The following HSPG2 variants were observed in gnomAD, a reference collection of about 807,000 sequenced individuals.
HSPG2 encodes the protein heparan sulfate proteoglycan 2.
In HSPG2, 278 loss-of-function variants were observed where a neutral mutation model predicts 526.6. That is an observed-to-expected ratio of 0.53 (90% CI 0.48 to 0.58). The LOEUF (loss-of-function observed/expected upper bound fraction) is 0.58. Among genes scored for constraint, HSPG2 ranks in the 20% least tolerant of loss-of-function variants. HSPG2 has a pLI of 0.00. For missense variants in HSPG2, 5,354 were observed against 6,099.5 expected (o/e 0.88, Z 4.07); for synonymous variants, 2,465 against 2,555.4 (o/e 0.96, Z 1.07).
chr1:21,830,050 C>T lies in HSPG2; in HGVS notation c.11713G>A (p.Gly3905Ser), dbSNP rs1166810853. 5.0e-6 allele frequency: 8 copies of T among 1,604,570 alleles called. No homozygotes were observed. Among genetic ancestry groups the T allele is most frequent in the Non-Finnish European group, 6.8e-6 (8 of 1,176,766 alleles). ...TGGCAGCGGCAGGTGTAGCCTCGACCGTCAGGCCGGTTCACACAGGTGGCG... is the reference window on the plus strand; with the variant it reads ...TGGCAGCGGCAGGTGTAGCCTCGACTGTCAGGCCGGTTCACACAGGTGGCG... ...PDATCVNRPDGRGYTCRCHLG... is the reference protein window; with the variant it reads ...PDATCVNRPDSRGYTCRCHLG... The change falls in exon 86 of 97, where the codon GGT (glycine) becomes AGT (serine). Residue 3905 changes from glycine (G) to serine (S), a missense_variant. Coordinates refer to ENST00000374695, the MANE Select transcript of HSPG2 (RefSeq NM_005529.7).
Position 21,872,175 on chromosome 1 carries a change from C to CT in HSPG2, c.4221+10dup. 1 of 1,551,614 alleles carries CT rather than the reference C, an allele frequency of 6.4e-7. No homozygotes were observed. ...AGTCACGGCTGACCCTGGTGCTTGG[C>CT]TGGGGCCCACCTTGTCTCCCTGGTA... is the stretch of plus-strand genomic sequence containing the variant. On this transcript the variant is annotated intron_variant, in intron 33 of 96. Coordinates refer to ENST00000374695, the MANE Select transcript of HSPG2 (RefSeq NM_005529.7). The surrounding 1 kb of genome is among the most constrained non-coding windows in gnomAD (Gnocchi z 5.5).
chr1:21,842,406 A>G, intron 67 of HSPG2, 26 bp from the exon 68 acceptor site: 4 of 1,578,268 alleles, frequency 2.5e-6, no homozygotes, highest in Non-Finnish European at 3.4e-6. Context: ...GGGGACAGTT[A>G]TCAGGGCAAA....
rs1157151905 is a variant in HSPG2, at chr1:21,822,276, C to A, written c.*1040G>T. The A allele has an allele frequency of 6.4e-7, 1 of 1,557,824 alleles. No homozygotes were observed. Among genetic ancestry groups the A allele is most frequent in the East Asian group, 2.2e-5 (1 of 44,578 alleles). On this transcript the variant is annotated 3_prime_UTR_variant, in exon 97 of 97. Transcript: ENST00000374695. ...GATAGCACCGTTTATTAAGAAAAAT[C>A]AAGACAAAGACCACAGGAGGGTCCC...
chr1:21,922,670 A>T (rs988252989), intron 1 of HSPG2, among the ~76,000 whole-genome samples: 2 of 152,160 alleles, frequency 1.3e-5, no homozygotes, highest in Non-Finnish European at 2.9e-5. Flanking sequence ...ACCTGAAGCC[A>T]ACGTAAGGTG....
intron 1 of HSPG2, among the ~76,000 whole-genome samples, chr1:21,899,317 A>C (rs1215291040): frequency 1.3e-5 from 2 of 152,232 alleles, no homozygotes; most frequent in East Asian, 3.8e-4. Flanking sequence ...AGAAAGAGCC[A>C]AAAGGAACTT....
In HSPG2 at chr1:21,839,581, C is replaced by A; in HGVS notation, c.9710-31G>T. Reference sequence around the variant, plus strand: ...GAGTCGAGTGGAAGATGACAGAAGTCACTGGGCTACCTCAGGGACCCGCAG... The same window carrying A: ...GAGTCGAGTGGAAGATGACAGAAGTAACTGGGCTACCTCAGGGACCCGCAG... On this transcript the variant is annotated intron_variant, in intron 72 of 96. Coordinates refer to ENST00000374695, the MANE Select transcript of HSPG2 (RefSeq NM_005529.7). The surrounding 1 kb of genome is among the most constrained non-coding windows in gnomAD (Gnocchi z 4.5). 6.2e-7 allele frequency: 1 copy of A among 1,611,386 alleles called. No individual in the cohort carries two copies. Among genetic ancestry groups the A allele is most frequent in the South Asian group, 1.1e-5 (1 of 90,702 alleles).
In HSPG2 at chr1:21,843,433, G is replaced by A. The variant is rs62642513; in HGVS notation, c.8622C>T (p.His2874=). 0.028 allele frequency: 44,341 copies of A among 1,611,692 alleles called. 1,431 individuals are homozygous for A. Among genetic ancestry groups the A allele is most frequent in the African/African-American group, 0.16 (12,255 of 74,942 alleles). Reference sequence around the variant, plus strand: ...CCTGGTTCAGCCTCAGCAGTGGGCCGTGGACCTGGCCAAGGTGGGGTGAGA... The same window carrying A: ...CCTGGTTCAGCCTCAGCAGTGGGCCATGGACCTGGCCAAGGTGGGGTGAGA... ...GGNLPARHQV[H]GPLLRLNQVS... Residue 2874 remains histidine (H), a synonymous_variant, in exon 66 of 97, where the codon CAC becomes CAT. Transcript: ENST00000374695.
intron 6 of HSPG2, chr1:21,888,574 G>A (rs1016343372): frequency 4.5e-6 from 4 of 897,472 alleles, no homozygotes; most frequent in South Asian, 1.6e-5. Flanking sequence ...CCAAAGTGCT[G>A]GGGTTACAGG....
At chr1:21,838,149 A>AG (rs1427196669) in intron 74 of HSPG2, among the ~76,000 whole-genome samples, 10 of 150,754 alleles carry the variant, frequency 6.6e-5, no homozygotes, top group African/African-American at 2.5e-4. Flanking sequence ...AAAAAAAAAA[A>AG]AAAAAAAAAG....
At chr1:21,854,553 G>A in intron 49 of HSPG2, 58 bp downstream of exon 49, 6 of 1,515,228 alleles carry the variant, frequency 4.0e-6, no homozygotes, top group Middle Eastern at 2.2e-4. Flanking sequence ...TACAGGCCCC[G>A]CCTCCGCCAC....
At position 21,834,962 on chromosome 1, in the gene HSPG2, C is replaced by T; in HGVS notation, c.10454-17G>A. The T allele has an allele frequency of 6.2e-7, 1 of 1,609,004 alleles. No individual in the cohort carries two copies. Among genetic ancestry groups the T allele is most frequent in the Non-Finnish European group, 8.5e-7 (1 of 1,179,986 alleles). ...AGGGCAGGGCTGGGGAGGAGGGAGG[C>T]AGAGGTCCAGTGAGATCAGTCACTG... On this transcript the variant is annotated splice_polypyrimidine_tract_variant and intron_variant, in intron 76 of 96. Transcript: ENST00000374695.
chr1:21,872,330 C>A lies in HSPG2; in HGVS notation c.4077G>T (p.Val1359=). ...TCAGGCGGCTGTTTCGCTGTGGGTTCACCAGGGCAAAGCCTTGGAAGTCCC... is the reference window on the plus strand; with the variant it reads ...TCAGGCGGCTGTTTCGCTGTGGGTTAACCAGGGCAAAGCCTTGGAAGTCCC... The part of the protein sequence containing the change: ...APGDFQGFAL[V]NPQRNSRLTG... The change falls in exon 33 of 97, where the codon GTG becomes GTT. Residue 1359 remains valine (V), a synonymous_variant. Transcript: ENST00000374695. The surrounding 1 kb of genome is among the most constrained non-coding windows in gnomAD (Gnocchi z 5.5). The A allele has an allele frequency of 6.3e-7, 1 of 1,581,586 alleles. No homozygotes were observed. The highest frequency in any genetic ancestry group is 1.2e-5 in the South Asian group (1 of 86,246).
At chr1:21,877,786 C>T (rs1349567566) in intron 21 of HSPG2, among the ~76,000 whole-genome samples, 4 of 152,236 alleles carry the variant, frequency 2.6e-5, no homozygotes, top group Non-Finnish European at 5.9e-5. Flanking sequence ...GCGTGAGCCA[C>T]TGCGCCCGGC....
intron 64 of HSPG2, among the ~76,000 whole-genome samples, chr1:21,845,382 A>G (rs1638347794): frequency 6.6e-6 from 1 of 151,950 alleles, no homozygotes; most frequent in Non-Finnish European, 1.5e-5. Context: ...TTATTTATTT[A>G]TTTATTTATT....
intron 75 of HSPG2, among the ~76,000 whole-genome samples, chr1:21,836,161 C>G (rs1362863204): frequency 1.3e-5 from 2 of 152,260 alleles, no homozygotes; most frequent in Admixed American, 1.3e-4. Flanking sequence ...CAAGATTACA[C>G]AGTTATCAAG....
intron 66 of HSPG2, 64 bp downstream of exon 66, chr1:21,843,233 A>G (rs1030185299): frequency 4.0e-5 from 64 of 1,604,520 alleles, no homozygotes; most frequent in Middle Eastern, 1.7e-4. Context: ...AGAGGAGAGG[A>G]GCAGAGCTGG....
rs1395164729 is a variant in HSPG2 at position 21,895,778 on chromosome 1, C to T, written c.244+144G>A. ...CCTGCCAATCAGTCTGCACAACTGT[C>T]ACTCAGCAGGTTAAGAGATCACACC... On this transcript the variant is annotated intron_variant, in intron 3 of 96. Transcript: ENST00000374695. The surrounding 1 kb of genome is among the most constrained non-coding windows in gnomAD (Gnocchi z 4.1). 1 of 777,964 alleles carries T rather than the reference C, an allele frequency of 1.3e-6. No homozygotes were observed. The highest frequency in any genetic ancestry group is 1.7e-5 in the African/African-American group (1 of 58,546). 48.2% of individuals were successfully genotyped at this position (777,964 alleles called of 1,614,324 possible).
At chr1:21,833,197 A>T in intron 80 of HSPG2, 71 bp downstream of exon 80, 1 of 1,257,046 alleles carries the variant, frequency 8.0e-7, no homozygotes, top group Non-Finnish European at 1.2e-6. Flanking sequence ...GGCTCCTGCC[A>T]TGATGGCAGT....
chr1:21,861,424 G>A (rs1013884956), intron 39 of HSPG2, among the ~76,000 whole-genome samples: 2 of 151,764 alleles, frequency 1.3e-5, no homozygotes, highest in Admixed American at 1.3e-4. Context: ...GAGGCAGGAG[G>A]ACTGCTTGAG....
Sources: gnomAD v4.1 joint callset for allele counts (sites outside exome capture counted in the v4.1 genomes callset) on GRCh38, gnomAD v4.1.1 for gene constraint, Gnocchi (gnomAD v3.1) non-coding constraint, MANE v1.5 for transcripts, NCBI Gene and HGNC (gene_info 2026-07-23, HGNC 2026-07-21) for gene names.